The following RHOBTB1 variants were observed in gnomAD, a reference collection of about 807,000 sequenced individuals.
RHOBTB1 encodes the protein Rho related BTB domain containing 1, also known as rho-related BTB domain-containing protein 1.
A neutral mutation model predicts 71.6 loss-of-function variants in RHOBTB1; 40 were observed. The observed-to-expected ratio is 0.56, with a 90% CI of 0.43 to 0.73. The LOEUF (loss-of-function observed/expected upper bound fraction) is 0.73. RHOBTB1 is among the 30% of genes least tolerant of loss of function. RHOBTB1 has a pLI of 0.00. For synonymous variants in RHOBTB1, 319 were observed against 334.9 expected (o/e 0.95, Z 0.52); for missense variants, 797 against 894.0 (o/e 0.89, Z 1.38).
chr10:60,878,270 C>T (rs761055952), intron 7 of RHOBTB1, among the ~76,000 whole-genome samples: 1 of 152,190 alleles, frequency 6.6e-6, no homozygotes, highest in Non-Finnish European at 1.5e-5. Context: ...CTGCCTGACA[C>T]AGCCTGATGT....
At chr10:60,926,946 G>T (rs562560293) in intron 2 of RHOBTB1, among the ~76,000 whole-genome samples, 6 of 152,196 alleles carry the variant, frequency 3.9e-5, no homozygotes, top group African/African-American at 1.4e-4. Flanking sequence ...AATTATCCTT[G>T]GTTGCAGATG....
Position 60,970,550 on chromosome 10 carries a change from G to T in RHOBTB1, c.-62+15295C>A, listed in dbSNP as rs116769344. Reference sequence around the variant, plus strand: ...GTTCAATGCTTCACATTTACCTGAGGAACTAATAAATTTTTGATAAAAATA... The same window carrying T: ...GTTCAATGCTTCACATTTACCTGAGTAACTAATAAATTTTTGATAAAAATA... On this transcript the variant is annotated intron_variant, in intron 2 of 11. Coordinates refer to the RHOBTB1 transcript ENST00000357917. Among the ~76,000 whole-genome samples the T allele has an allele frequency of 6.4e-3, 976 of 152,118 alleles. 6 individuals carry two copies. Among genetic ancestry groups the T allele is most frequent in the African/African-American group, 0.023 (944 of 41,510 alleles).
intron 2 of RHOBTB1, among the ~76,000 whole-genome samples, chr10:60,954,009 A>G (rs866084938): frequency 6.6e-6 from 1 of 152,212 alleles, no homozygotes; most frequent in African/African-American, 2.4e-5. Flanking sequence ...GGTTTAATCA[A>G]TTAAAGCGGT....
chr10:60,949,664 CTTTT>C (rs147906688), intron 2 of RHOBTB1, among the ~76,000 whole-genome samples: 4,133 of 108,936 alleles, frequency 0.038, 81 homozygotes, highest in East Asian at 0.08. Flanking sequence ...CCAGGTGAAG[CTTTT>C]TTTTTTTTTT....
intron 1 of RHOBTB1, among the ~76,000 whole-genome samples, chr10:60,986,435 T>A (rs893601471): frequency 2.5e-4 from 24 of 96,914 alleles, no homozygotes; most frequent in East Asian, 3.8e-4. Flanking sequence ...ATATATAAAA[T>A]ATATATAGGC....
At chr10:60,959,189 T>A (rs2085698317) in intron 2 of RHOBTB1, among the ~76,000 whole-genome samples, 1 of 151,982 alleles carries the variant, frequency 6.6e-6, no homozygotes, top group Admixed American at 6.6e-5. Context: ...CAAAACAAAC[T>A]CTTATCTGAG....
At chr10:60,928,230 T>C (rs1048719173) in intron 2 of RHOBTB1, among the ~76,000 whole-genome samples, 1 of 152,050 alleles carries the variant, frequency 6.6e-6, no homozygotes, top group African/African-American at 2.4e-5. Context: ...GAATGCAAAT[T>C]AGCACGGCCA....
At chr10:60,909,617 T>G (rs1262978556) in intron 4 of RHOBTB1, among the ~76,000 whole-genome samples, 1 of 152,172 alleles carries the variant, frequency 6.6e-6, no homozygotes. Context: ...ATAATTGTTA[T>G]TTTTACATGT....
chr10:60,937,473 C>T (rs758215601), intron 2 of RHOBTB1, among the ~76,000 whole-genome samples: 4 of 152,110 alleles, frequency 2.6e-5, no homozygotes, highest in Non-Finnish European at 5.9e-5. Context: ...GGAAATATTT[C>T]TTAGTTATCT....
At chr10:60,983,180 A>C (rs1236593494) in intron 2 of RHOBTB1, among the ~76,000 whole-genome samples, 4 of 152,202 alleles carry the variant, frequency 2.6e-5, no homozygotes, top group African/African-American at 9.7e-5. Context: ...AGTATTAAAA[A>C]TTTATACAAA....
intron 4 of RHOBTB1, among the ~76,000 whole-genome samples, chr10:60,905,646 G>A (rs755916913): frequency 1.3e-5 from 2 of 151,882 alleles, no homozygotes; most frequent in Non-Finnish European, 2.9e-5. Flanking sequence ...TATGCCCAAA[G>A]CGAGTGACTC....
downstream of RHOBTB1, among the ~76,000 whole-genome samples, chr10:60,868,075 T>A (rs2080647330): frequency 6.6e-6 from 1 of 152,214 alleles, no homozygotes; most frequent in Admixed American, 6.5e-5. Flanking sequence ...TTTCTTTCTT[T>A]CTTTTTAAAT....
At chr10:60,889,882 T>C (rs2081829885) in intron 5 of RHOBTB1, among the ~76,000 whole-genome samples, 2 of 152,226 alleles carry the variant, frequency 1.3e-5, no homozygotes, top group South Asian at 4.1e-4. Context: ...GCCTGATAAA[T>C]GTTAGCTGTT....
At chr10:60,867,836 G>A (rs190376833), downstream of RHOBTB1, among the ~76,000 whole-genome samples, 20 of 152,298 alleles carry the variant, frequency 1.3e-4, no homozygotes, top group East Asian at 3.7e-3. Context: ...CCACACCAGT[G>A]TCTTCACTTC....
chr10:60,947,920 T>C (rs1002781318), upstream of RHOBTB1, among the ~76,000 whole-genome samples: 38 of 152,294 alleles, frequency 2.5e-4, no homozygotes, highest in Non-Finnish European at 5.4e-4. Context: ...GCTGCACCGT[T>C]CACATTTCCA....
chr10:60,869,243 C>T (rs2080669537), downstream of RHOBTB1, among the ~76,000 whole-genome samples: 1 of 152,224 alleles, frequency 6.6e-6, no homozygotes, highest in African/African-American at 2.4e-5. Context: ...GCACCAGGCA[C>T]TTCATTTACA....
chr10:60,880,136 G>A (rs1161270744), intron 7 of RHOBTB1, among the ~76,000 whole-genome samples: 1 of 151,464 alleles, frequency 6.6e-6, no homozygotes, highest in South Asian at 2.1e-4. Flanking sequence ...GAGTTGGGGG[G>A]GTGGTCCTGG....
Position 60,911,505 on chromosome 10 carries a change from T to C in RHOBTB1, c.38A>G (p.Glu13Gly). Residue 13 changes from glutamate (E) to glycine (G), a missense_variant, in exon 3 of 11, where the codon GAA (glutamate) becomes GGA (glycine). Physicochemically the swap from Glu to Gly is moderately conservative, Grantham distance 98. Coordinates refer to ENST00000337910, the MANE Select transcript of RHOBTB1 (RefSeq NM_014836.5). ...ACCCACGACCACACATTTGATAGTT[T>C]CAACGTTGGGTCTTTCGTAGTCCAT... The part of the protein sequence containing the change: ...ADMDYERPNV[E>G]TIKCVVVGDN... 2 of 1,614,210 alleles carry C rather than the reference T, an allele frequency of 1.2e-6. No homozygotes were observed. Among genetic ancestry groups the C allele is most frequent in the Non-Finnish European group, 1.7e-6 (2 of 1,180,042 alleles).
At chr10:60,902,856 T>C (rs955546273) in intron 4 of RHOBTB1, among the ~76,000 whole-genome samples, 10 of 152,196 alleles carry the variant, frequency 6.6e-5, no homozygotes, top group African/African-American at 2.4e-4. Context: ...CTGGAACACA[T>C]GAGAGATTTG....
Sources: allele counts gnomAD v4.1 joint callset (sites outside exome capture counted in the v4.1 genomes callset), GRCh38; gene constraint gnomAD v4.1.1; transcripts MANE v1.5; gene names NCBI Gene and HGNC (gene_info 2026-07-23, HGNC 2026-07-21).